The following RMST variants were observed in gnomAD, a reference collection of about 807,000 sequenced individuals.
RMST encodes rhabdomyosarcoma 2 associated transcript, also known as long intergenic non-protein coding RNA 54.
chr12:97,528,643 T>C (rs995163777), intron 10 of RMST, among the ~76,000 whole-genome samples: 27 of 152,164 alleles, frequency 1.8e-4, no homozygotes, highest in Admixed American at 7.9e-4. Flanking sequence ...CTTTTCAGTA[T>C]TGTAAAGATA....
chr12:97,554,815 T>G (rs760628373), intron 11 of RMST, among the ~76,000 whole-genome samples: 3 of 152,142 alleles, frequency 2.0e-5, no homozygotes, highest in Non-Finnish European at 4.4e-5. Flanking sequence ...TTATTAAATA[T>G]TGTGAGGAAT....
intron 11 of RMST, among the ~76,000 whole-genome samples, chr12:97,547,262 C>A (rs1247648544): frequency 6.6e-6 from 1 of 151,462 alleles, no homozygotes; most frequent in Non-Finnish European, 1.5e-5. Flanking sequence ...ATGCGTATCA[C>A]ATTTTCTTTA....
intron 11 of RMST, among the ~76,000 whole-genome samples, chr12:97,555,792 G>A (rs1883664827): frequency 6.6e-6 from 1 of 152,156 alleles, no homozygotes; most frequent in Non-Finnish European, 1.5e-5. Flanking sequence ...TGCTGTGCAG[G>A]AAATATTTTT....
intron 5 of RMST, among the ~76,000 whole-genome samples, chr12:97,489,905 T>G (rs1876569803): frequency 6.6e-6 from 1 of 152,168 alleles, no homozygotes; most frequent in South Asian, 2.1e-4. Context: ...TGGAACTAAG[T>G]CATAAGGAAA....
At chr12:97,515,129 TAAG>T (rs914395171) in intron 10 of RMST, among the ~76,000 whole-genome samples, 3 of 152,138 alleles carry the variant, frequency 2.0e-5, no homozygotes, top group African/African-American at 7.2e-5. Context: ...TTTGAACTAT[TAAG>T]AAGCCTATGG....
intron 11 of RMST, among the ~76,000 whole-genome samples, chr12:97,539,724 T>C (rs1882357368): frequency 1.3e-5 from 2 of 151,660 alleles, no homozygotes; most frequent in African/African-American, 4.8e-5. Flanking sequence ...AACTTTAAAA[T>C]GGGAAAACAG....
At chr12:97,525,130 T>C (rs964057182) in intron 10 of RMST, among the ~76,000 whole-genome samples, 4 of 152,180 alleles carry the variant, frequency 2.6e-5, no homozygotes, top group African/African-American at 7.2e-5. Context: ...GTAGAGAACA[T>C]AGAAATGCGG....
chr12:97,555,780 A>G (rs1883662502), intron 11 of RMST, among the ~76,000 whole-genome samples: 1 of 152,262 alleles, frequency 6.6e-6, no homozygotes, highest in East Asian at 1.9e-4. Context: ...ATGAAGCAGT[A>G]ATGCTGTGCA....
chr12:97,521,429 C>CAT (rs1880497787), intron 10 of RMST, among the ~76,000 whole-genome samples: 1 of 152,012 alleles, frequency 6.6e-6, no homozygotes, highest in Non-Finnish European at 1.5e-5. Context: ...TTTATCCCAA[C>CAT]ATATATATGT....
chr12:97,493,455 A>G (rs1448214381), intron 7 of RMST, among the ~76,000 whole-genome samples: 1 of 152,214 alleles, frequency 6.6e-6, no homozygotes, highest in African/African-American at 2.4e-5. Context: ...TTCAACATAT[A>G]CATTTCTCTT....
chr12:97,478,331 A>G (rs1041071617), intron 5 of RMST, among the ~76,000 whole-genome samples: 1 of 152,202 alleles, frequency 6.6e-6, no homozygotes, highest in African/African-American at 2.4e-5. Context: ...AATTTCTTAC[A>G]TCGTAGAAAG....
chr12:97,506,675 G>GTTTTTTT (rs780505590), intron 10 of RMST, among the ~76,000 whole-genome samples: 16 of 76,960 alleles, frequency 2.1e-4, no homozygotes, highest in Non-Finnish European at 2.6e-4. Context: ...AGGGTAATCT[G>GTTTTTTT]TTTTTTTTTT....
intron 7 of RMST, among the ~76,000 whole-genome samples, chr12:97,493,634 C>T (rs898292381): frequency 6.6e-6 from 1 of 152,050 alleles, no homozygotes; most frequent in Non-Finnish European, 1.5e-5. Flanking sequence ...AACCTATAAC[C>T]AAGAATGCAG....
At chr12:97,482,613 T>C (rs1357868249) in intron 5 of RMST, among the ~76,000 whole-genome samples, 7 of 147,084 alleles carry the variant, frequency 4.8e-5, no homozygotes, top group African/African-American at 1.5e-4. Context: ...ATTTATTTAT[T>C]ATTTAATTTA....
chr12:97,529,444 A>G (rs933501181), intron 10 of RMST, among the ~76,000 whole-genome samples: 2 of 152,148 alleles, frequency 1.3e-5, no homozygotes, highest in Non-Finnish European at 2.9e-5. Context: ...GCAGCCAAAT[A>G]TACACAATTC....
intron 13 of RMST, chr12:97,563,623 T>C: frequency 2.8e-6 from 1 of 361,314 alleles, no homozygotes. Context: ...CTTGGTCTTG[T>C]TTCCCGGTCC....
chr12:97,473,031 G>A (rs1266552629), intron 5 of RMST, among the ~76,000 whole-genome samples: 1 of 152,014 alleles, frequency 6.6e-6, no homozygotes, highest in Non-Finnish European at 1.5e-5. Flanking sequence ...AGAACTAATT[G>A]AATAATATAA....
At chr12:97,510,001 A>C (rs952366783) in intron 10 of RMST, among the ~76,000 whole-genome samples, 3 of 152,192 alleles carry the variant, frequency 2.0e-5, no homozygotes, top group African/African-American at 7.2e-5. Flanking sequence ...GGTCTAGCAC[A>C]ATGTTTGACA....
intron 10 of RMST, among the ~76,000 whole-genome samples, chr12:97,516,058 A>G (rs566669933): frequency 6.6e-6 from 1 of 152,154 alleles, no homozygotes; most frequent in East Asian, 1.9e-4. Flanking sequence ...TTGTATTCAA[A>G]GAGTTTCTAA....
Sources: allele counts gnomAD v4.1 joint callset (sites outside exome capture counted in the v4.1 genomes callset), GRCh38; gene constraint gnomAD v4.1.1; transcripts MANE v1.5; gene names NCBI Gene and HGNC (gene_info 2026-07-23, HGNC 2026-07-21).